SPDYE14: variants seen among roughly 807,000 people sequenced by gnomAD.
SPDYE14 encodes speedy protein E14.
chr7:75,265,162 T>C, the SPDYE14 span, among the ~76,000 whole-genome samples: 1 of 43,080 alleles, frequency 2.3e-5, no homozygotes, highest in African/African-American at 8.0e-5. Context: ...AGCAGTGGCG[T>C]GATCTTGGCT....
chr7:75,272,983 C>T, the SPDYE14 span, among the ~76,000 whole-genome samples: 14 of 57,790 alleles, frequency 2.4e-4, 5 homozygotes, highest in Admixed American at 2.8e-3. Flanking sequence ...GATTAAATCA[C>T]GGGGCGGATT....
the SPDYE14 span, among the ~76,000 whole-genome samples, chr7:75,249,880 G>A: frequency 0.031 from 2,812 of 90,336 alleles, 2 homozygotes; most frequent in Middle Eastern, 0.11. Flanking sequence ...ATGTTGGCTA[G>A]GCTGGTCTCG....
the SPDYE14 span, among the ~76,000 whole-genome samples, chr7:75,249,589 C>CTTT: frequency 5.2e-5 from 2 of 38,202 alleles, no homozygotes; most frequent in East Asian, 1.7e-3. Flanking sequence ...TTCCTTCCTT[C>CTTT]CTTCCTTCCT....
the SPDYE14 span, among the ~76,000 whole-genome samples, chr7:75,279,030 A>C: frequency 3.4e-5 from 4 of 117,480 alleles, no homozygotes; most frequent in East Asian, 2.2e-4. Context: ...ATGAATACTC[A>C]GTGTTGGCAG....
At chr7:75,256,790 G>A in the SPDYE14 span, among the ~76,000 whole-genome samples, 292 of 11,468 alleles carry the variant, frequency 0.025, 67 homozygotes, top group African/African-American at 0.057. Flanking sequence ...TTCCAGCCTG[G>A]GCAACAAGAA....
At chr7:75,261,034 A>G in the SPDYE14 span, among the ~76,000 whole-genome samples, 2 of 77,550 alleles carry the variant, frequency 2.6e-5, no homozygotes, top group Non-Finnish European at 3.3e-5. Context: ...CTGAGGCAGG[A>G]GAATCACTTG....
chr7:75,278,626 C>G, the SPDYE14 span, among the ~76,000 whole-genome samples: 1 of 26,978 alleles, frequency 3.7e-5, no homozygotes, highest in African/African-American at 9.5e-5. Flanking sequence ...GACTCTGTTC[C>G]CAAACCAGGA....
At chr7:75,238,333 ATGTG>A in the SPDYE14 span, among the ~76,000 whole-genome samples, 1 of 75,946 alleles carries the variant, frequency 1.3e-5, no homozygotes, top group Non-Finnish European at 2.7e-5. Flanking sequence ...GCAGCGGAAA[ATGTG>A]AGGGAGGAGA....
chr7:75,237,693 C>G, the SPDYE14 span: 1 of 106,370 alleles, frequency 9.4e-6, no homozygotes, highest in Non-Finnish European at 2.2e-5. Flanking sequence ...AGCTGGTGTT[C>G]GCTGTAACAA....
the SPDYE14 span, chr7:75,237,749 C>T: frequency 8.8e-6 from 1 of 114,192 alleles, no homozygotes; most frequent in South Asian, 3.2e-4. Context: ...ATGCGCGGCC[C>T]GCGCGCGGCC....
chr7:75,240,595 C>CA, the SPDYE14 span, among the ~76,000 whole-genome samples: 1,977 of 32,952 alleles, frequency 0.06, 116 homozygotes, highest in East Asian at 0.13. Context: ...GATTCTGCCT[C>CA]AAAAAAAAAA....
the SPDYE14 span, among the ~76,000 whole-genome samples, chr7:75,273,852 A>AT: frequency 3.3e-5 from 1 of 30,590 alleles, no homozygotes; most frequent in Non-Finnish European, 8.4e-5. Context: ...CATTTTATCT[A>AT]TTTGTTTGAG....
At chr7:75,279,469 AG>A in the SPDYE14 span, among the ~76,000 whole-genome samples, 8 of 112,974 alleles carry the variant, frequency 7.1e-5, no homozygotes, top group Admixed American at 7.8e-4. Flanking sequence ...TTTTTTTTTG[AG>A]ACGGAGTCTC....
chr7:75,267,850 AT>A, the SPDYE14 span, among the ~76,000 whole-genome samples: 1 of 106,986 alleles, frequency 9.3e-6, no homozygotes, highest in African/African-American at 3.2e-5. Context: ...GATCCTCCTG[AT>A]TCAGCCTCCT....
chr7:75,275,739 TAAAAAAAAA>T, the SPDYE14 span, among the ~76,000 whole-genome samples: 3 of 14,544 alleles, frequency 2.1e-4, 1 homozygote, highest in African/African-American at 4.9e-4. Context: ...AAAAATAAAT[TAAAAAAAAA>T]AAAAAAAAAA....
the SPDYE14 span, among the ~76,000 whole-genome samples, chr7:75,271,389 CAACCAACCAAACAAAAAAGG>C: frequency 2.6e-5 from 1 of 39,196 alleles, no homozygotes; most frequent in African/African-American, 5.7e-5. Flanking sequence ...AAACCAAAAC[CAACCAACCAAACAAAAAAGG>C]AAAAAACCCT....
the SPDYE14 span, among the ~76,000 whole-genome samples, chr7:75,266,166 T>G: frequency 6.6e-5 from 1 of 15,198 alleles, no homozygotes; most frequent in African/African-American, 1.1e-4. Flanking sequence ...TTTTTTTTTT[T>G]TTTTTTTTGA....
At chr7:75,272,778 CG>C in the SPDYE14 span, among the ~76,000 whole-genome samples, 15 of 55,180 alleles carry the variant, frequency 2.7e-4, 4 homozygotes, top group African/African-American at 6.4e-4. Flanking sequence ...CCCAGTTACT[CG>C]GGAGGCTGAA....
chr7:75,266,162 T>G, the SPDYE14 span, among the ~76,000 whole-genome samples: 1 of 14,622 alleles, frequency 6.8e-5, no homozygotes, highest in African/African-American at 1.2e-4. Context: ...TTTTTTTTTT[T>G]TTTTTTTTTT....
Sources: allele counts gnomAD v4.1 joint callset (sites outside exome capture counted in the v4.1 genomes callset), GRCh38; gene constraint gnomAD v4.1.1; transcripts MANE v1.5; gene names NCBI Gene and HGNC (gene_info 2026-07-23, HGNC 2026-07-21).